CADM2: variants seen among roughly 807,000 people sequenced by gnomAD.
The protein encoded by CADM2 is cell adhesion molecule 2.
Under a neutral mutation model 49.8 loss-of-function variants are expected in CADM2, and 12 were observed. The observed-to-expected ratio is 0.24, with a 90% CI of 0.15 to 0.39. CADM2 has a LOEUF of 0.39. CADM2 is among the 10% of genes least tolerant of loss of function. The pLI, the probability that CADM2 is intolerant of heterozygous loss-of-function variation, is 1.00. For missense variants in CADM2, 378 were observed against 492.3 expected, an observed-to-expected ratio of 0.77 and a Z score of 2.20; for synonymous variants, 214 against 175.4, an observed-to-expected ratio of 1.22 and a Z score of -1.74.
intron 3 of CADM2, among the ~76,000 whole-genome samples, chr3:85,803,500 A>AATAGATAGATAGATAG (rs3044105): frequency 0.049 from 7,307 of 149,510 alleles, 218 homozygotes; most frequent in African/African-American, 0.069. Context: ...TAGATAGATA[A>AATAGATAGATAGATAG]ATAGATAGAT....
intron 1 of CADM2, among the ~76,000 whole-genome samples, chr3:85,013,619 T>G (rs1028846736): frequency 6.6e-6 from 1 of 151,514 alleles, no homozygotes; most frequent in Non-Finnish European, 1.5e-5. Context: ...CCTTTAAAGA[T>G]ATGAATTACT....
chr3:85,280,943 T>C (rs1259221499), intron 1 of CADM2, among the ~76,000 whole-genome samples: 3 of 151,690 alleles, frequency 2.0e-5, no homozygotes. Context: ...ATAAAAAGAA[T>C]TGCAAGAAAG....
intron 5 of CADM2, among the ~76,000 whole-genome samples, chr3:85,892,131 C>T (rs1021945445): frequency 2.0e-5 from 3 of 152,258 alleles, no homozygotes; most frequent in South Asian, 2.1e-4. Context: ...ACTTAAGAGG[C>T]ATTGCAAGCA....
At chr3:85,067,623 G>A (rs73843275) in intron 1 of CADM2, among the ~76,000 whole-genome samples, 3 of 152,062 alleles carry the variant, frequency 2.0e-5, no homozygotes, top group Admixed American at 6.6e-5. Context: ...GCTCAATTAC[G>A]AATGAGTCTT....
At chr3:85,165,686 T>A (rs894795524) in intron 1 of CADM2, among the ~76,000 whole-genome samples, 1 of 151,852 alleles carries the variant, frequency 6.6e-6, no homozygotes. Flanking sequence ...TTATATATAC[T>A]GAAGAAGTTG....
chr3:85,368,706 A>T (rs2032981244), intron 1 of CADM2, among the ~76,000 whole-genome samples: 1 of 152,096 alleles, frequency 6.6e-6, no homozygotes. Flanking sequence ...AGGCATAATA[A>T]TATATTTTAT....
intron 1 of CADM2, among the ~76,000 whole-genome samples, chr3:85,380,949 A>T (rs577699933): frequency 6.6e-6 from 1 of 152,216 alleles, no homozygotes; most frequent in East Asian, 1.9e-4. Flanking sequence ...ATGTAATCTT[A>T]AAAGTAGAAG....
chr3:85,352,339 T>C (rs1259115441), intron 1 of CADM2, among the ~76,000 whole-genome samples: 1 of 152,108 alleles, frequency 6.6e-6, no homozygotes, highest in Non-Finnish European at 1.5e-5. Flanking sequence ...TCAGTCTAAC[T>C]TTAGGAGGAC....
At chr3:85,502,199 TTTAC>T (rs901475084) in intron 1 of CADM2, among the ~76,000 whole-genome samples, 29 of 152,132 alleles carry the variant, frequency 1.9e-4, no homozygotes, top group African/African-American at 6.0e-4. Flanking sequence ...GTAGAGTTTA[TTTAC>T]TTGTTTTCTA....
At position 86,055,472 on chromosome 3, in the gene CADM2, T is replaced by TTTG. The variant is rs1553730565; in HGVS notation, c.971-10131_971-10130insGTT. Among the ~76,000 whole-genome samples the TTTG allele has an allele frequency of 2.2e-3, 292 of 132,766 alleles. 4 individuals are homozygous for TTTG. Among genetic ancestry groups the TTTG allele is most frequent in the African/African-American group, 7.8e-3 (272 of 34,782 alleles). The allele number at this position is 132,766 out of a possible 152,430, so 87.1% of individuals were successfully genotyped here. On this transcript the variant is annotated intron_variant, in intron 8 of 9. Coordinates refer to ENST00000383699, the MANE Select transcript of CADM2 (RefSeq NM_001167675.2). ...CCCTCTTTTTTTTTTTTTTTTTTTT[T>TTTG]TTTTTTTGGTTTTAGAGGGATTCTT...
intron 1 of CADM2, among the ~76,000 whole-genome samples, chr3:85,321,674 G>GT: frequency 6.6e-6 from 1 of 152,068 alleles, no homozygotes; most frequent in South Asian, 2.1e-4. Flanking sequence ...CTCAAGTTCT[G>GT]TTTTTCTAAT....
chr3:85,982,015 C>T (rs1470538874), intron 8 of CADM2, among the ~76,000 whole-genome samples: 1 of 151,662 alleles, frequency 6.6e-6, no homozygotes, highest in Non-Finnish European at 1.5e-5. Flanking sequence ...TTGCCTGCAT[C>T]TGTTATTTTT....
At chr3:85,973,187 T>A (rs1726359423) in intron 8 of CADM2, among the ~76,000 whole-genome samples, 1 of 151,712 alleles carries the variant, frequency 6.6e-6, no homozygotes, top group African/African-American at 2.4e-5. Context: ...ATCATTATCA[T>A]CAGGAGTGAT....
intron 1 of CADM2, among the ~76,000 whole-genome samples, chr3:85,589,101 A>G (rs1038263449): frequency 6.6e-6 from 1 of 151,990 alleles, no homozygotes; most frequent in African/African-American, 2.4e-5. Flanking sequence ...AGATTTTGAT[A>G]AAGGGAGTGG....
At chr3:85,677,652 A>G (rs779332298) in intron 1 of CADM2, among the ~76,000 whole-genome samples, 4 of 152,226 alleles carry the variant, frequency 2.6e-5, no homozygotes, top group Non-Finnish European at 4.4e-5. Flanking sequence ...TGCAAAATGT[A>G]TAGTTAAATA....
At chr3:85,768,245 A>G (rs760384655) in intron 2 of CADM2, among the ~76,000 whole-genome samples, 8 of 151,884 alleles carry the variant, frequency 5.3e-5, no homozygotes, top group Non-Finnish European at 8.8e-5. Flanking sequence ...TCAGGAGTTC[A>G]TTACCAGCCT....
intron 1 of CADM2, among the ~76,000 whole-genome samples, chr3:85,616,068 C>T (rs117045109): frequency 6.6e-6 from 1 of 151,798 alleles, no homozygotes; most frequent in East Asian, 2.0e-4. Context: ...TAAAATTATG[C>T]TGAATTGAAA....
At chr3:84,995,081 A>G (rs987154092) in intron 1 of CADM2, among the ~76,000 whole-genome samples, 2 of 152,136 alleles carry the variant, frequency 1.3e-5, no homozygotes, top group African/African-American at 4.8e-5. Context: ...CCATTCAAAC[A>G]TTTATTTCCT....
At chr3:85,629,034 A>G (rs931523319) in intron 1 of CADM2, among the ~76,000 whole-genome samples, 1 of 151,834 alleles carries the variant, frequency 6.6e-6, no homozygotes, top group Non-Finnish European at 1.5e-5. Flanking sequence ...AGACAGAAAT[A>G]TGATGTTAAA....
Sources: gnomAD v4.1 joint callset for allele counts (sites outside exome capture counted in the v4.1 genomes callset) on GRCh38, gnomAD v4.1.1 for gene constraint, MANE v1.5 for transcripts, NCBI Gene and HGNC (gene_info 2026-07-23, HGNC 2026-07-21) for gene names.